The following CCDC14 variants were observed in gnomAD, a reference collection of about 807,000 sequenced individuals.
CCDC14 encodes coiled-coil domain-containing protein 14.
In CCDC14, 71 loss-of-function variants were observed where a neutral mutation model predicts 81.4. The observed-to-expected ratio is 0.87, with a 90% CI of 0.72 to 1.06. The LOEUF is 1.06. CCDC14 is among the 50% of genes least tolerant of loss of function. The probability of loss-of-function intolerance (pLI) is 0.00; values close to 1 mark genes in which losing one functional copy is unlikely to be tolerated. For synonymous variants in CCDC14, 332 were observed against 364.8 expected (o/e 0.91, Z 1.03); for missense variants, 1,046 against 1,047.3 (o/e 1.00, Z 0.02).
At position 123,931,146 on chromosome 3, in the gene CCDC14, T is replaced by C; in HGVS notation, c.1734A>G (p.Leu578=). 1 of 1,611,146 alleles carries C rather than the reference T, an allele frequency of 6.2e-7. No individual in the cohort carries two copies. Among genetic ancestry groups the C allele is most frequent in the South Asian group, 1.1e-5 (1 of 90,140 alleles). The part of the protein sequence containing the change: ...EKENQILGIT[L]RQRDAEVTRL... Reference sequence around the variant, plus strand: ...GAGTCACCTCAGCATCACGCTGACGTAATGTTATCCCCAATATCTGGTTTT... The same window carrying C: ...GAGTCACCTCAGCATCACGCTGACGCAATGTTATCCCCAATATCTGGTTTT... The change falls in exon 12 of 13, where the codon TTA becomes TTG. Residue 578 remains leucine, a synonymous_variant. Coordinates refer to ENST00000409697, the MANE Select transcript of CCDC14 (RefSeq NM_001366335.1).
chr3:123,915,294 CAAAAGG>C lies in CCDC14; in HGVS notation c.2197_2202del (p.Pro733_Phe734del). 1 of 1,613,892 alleles carries C rather than the reference CAAAAGG, an allele frequency of 6.2e-7. No individual in the cohort carries two copies. Among genetic ancestry groups the C allele is most frequent in the Non-Finnish European group, 8.5e-7 (1 of 1,179,896 alleles). Reference sequence around the variant, plus strand: ...GATTTCTTTTCAGGAGTGCTTCTAGCAAAAGGAATGTAAATTGTATTATCCAAATTA... The same window carrying C: ...GATTTCTTTTCAGGAGTGCTTCTAGCAATGTAAATTGTATTATCCAAATTA... On this transcript the variant is annotated inframe_deletion, in exon 13 of 13. Coordinates refer to ENST00000409697, the MANE Select transcript of CCDC14 (RefSeq NM_001366335.1).
chr3:123,937,836 T>C (rs1190364342), intron 9 of CCDC14, among the ~76,000 whole-genome samples: 1 of 151,966 alleles, frequency 6.6e-6, no homozygotes, highest in Non-Finnish European at 1.5e-5. Flanking sequence ...CAATTTTGTA[T>C]ACTGTATGAG....
chr3:123,917,220 A>G (rs1483548148), intron 12 of CCDC14, among the ~76,000 whole-genome samples: 2 of 151,012 alleles, frequency 1.3e-5, no homozygotes, highest in Non-Finnish European at 3.0e-5. Context: ...AGGGCTGGGC[A>G]TGGTGGCTCA....
At chr3:123,907,367 A>G (rs1287030136) in intron 5 of CCDC14, among the ~76,000 whole-genome samples, 2 of 152,106 alleles carry the variant, frequency 1.3e-5, no homozygotes, top group Non-Finnish European at 2.9e-5. Context: ...CACACAATCT[A>G]TGTAAAGCCC....
At chr3:123,894,033 CTA>C (rs1188003468), downstream of CCDC14, among the ~76,000 whole-genome samples, 2 of 152,160 alleles carry the variant, frequency 1.3e-5, no homozygotes, top group Non-Finnish European at 2.9e-5. Flanking sequence ...ACCAAAGAAA[CTA>C]TTGCTAAATC....
chr3:123,906,223 G>T (rs1429871381), intron 5 of CCDC14, among the ~76,000 whole-genome samples: 1 of 152,082 alleles, frequency 6.6e-6, no homozygotes, highest in African/African-American at 2.4e-5. Context: ...CCAACTACTT[G>T]GTAGGCTGAG....
At chr3:123,937,574 C>T (rs1192596821) in intron 9 of CCDC14, among the ~76,000 whole-genome samples, 5 of 151,814 alleles carry the variant, frequency 3.3e-5, no homozygotes, top group African/African-American at 7.2e-5. Context: ...AGTCCTTTAT[C>T]GGGTACATGT....
At chr3:123,917,101 C>T (rs537086918) in intron 12 of CCDC14, among the ~76,000 whole-genome samples, 146 of 151,876 alleles carry the variant, frequency 9.6e-4, no homozygotes, top group African/African-American at 3.4e-3. Flanking sequence ...CCTCGGCCTC[C>T]CAAAGTGCTG....
rs546629337 is a variant in CCDC14, at chr3:123,919,849, A to G, written c.1779-4131T>C. On this transcript the variant is annotated intron_variant, in intron 12 of 12. Coordinates refer to ENST00000409697, the MANE Select transcript of CCDC14 (RefSeq NM_001366335.1). ...CACTTCTTCAAGTGCATAGACACCA[A>G]TGCAAGGATACAAGGATTATGAAGA... Among the ~76,000 whole-genome samples the G allele has an allele frequency of 2.0e-5, 3 of 152,310 alleles. No homozygotes were observed. The East Asian group carries it at 5.8e-4, about 29-fold the overall frequency.
rs760414325 is a variant in CCDC14, at chr3:123,933,690, A to C, written c.1409T>G (p.Val470Gly). The C allele has an allele frequency of 3.1e-5, 49 of 1,573,276 alleles. 3 individuals carry two copies. The South Asian group carries it at 5.5e-4, about 18-fold the overall frequency. Residue 470 changes from valine (V) to glycine (G), a missense_variant, in exon 10 of 13, where the codon GTG becomes GGG. By Grantham distance (109) the Val-to-Gly change is moderately radical. Transcript: ENST00000409697. Reference sequence around the variant, plus strand: ...TTACCTACATTCAAGGTTGCAATCCACAGCACCAGATGGTTTTTGAGTTTT... The same window carrying C: ...TTACCTACATTCAAGGTTGCAATCCCCAGCACCAGATGGTTTTTGAGTTTT... ...QQKTQKPSGA[V>G]DCNLELFSLQ...
intron 12 of CCDC14, among the ~76,000 whole-genome samples, chr3:123,923,078 C>A (rs1366400996): frequency 6.6e-6 from 1 of 151,982 alleles, no homozygotes; most frequent in African/African-American, 2.4e-5. Context: ...AAGAATTATT[C>A]AACACAATTA....
At chr3:123,935,345 T>A (rs2035994990) in intron 9 of CCDC14, among the ~76,000 whole-genome samples, 1 of 152,208 alleles carries the variant, frequency 6.6e-6, no homozygotes, top group African/African-American at 2.4e-5. Flanking sequence ...GATGGCAGTT[T>A]GAAATGTCCA....
Position 123,960,695 on chromosome 3 carries a change from CTG to C in CCDC14, c.30+447_30+448del, listed in dbSNP as rs374188056. On this transcript the variant is annotated intron_variant, in intron 1 of 12. Coordinates refer to ENST00000409697, the MANE Select transcript of CCDC14 (RefSeq NM_001366335.1). Reference sequence around the variant, plus strand: ...AAATTTTGTTGTATGTCTACAACAACTGTGTGATCGATGTTTTTACCGGGTTC... The same window carrying C: ...AAATTTTGTTGTATGTCTACAACAACTGTGATCGATGTTTTTACCGGGTTC... Among the ~76,000 whole-genome samples, 83 of 152,294 alleles carry C rather than the reference CTG, an allele frequency of 5.4e-4. 1 individual carries two copies. In the South Asian group the frequency reaches 8.7e-3, roughly 16 times the overall value.
chr3:123,896,584 A>C (rs917021509), downstream of CCDC14, among the ~76,000 whole-genome samples: 1 of 152,180 alleles, frequency 6.6e-6, no homozygotes, highest in African/African-American at 2.4e-5. Flanking sequence ...TACATGTAGA[A>C]TCTTTAAAAG....
At chr3:123,937,611 T>C (rs2036121045) in intron 9 of CCDC14, among the ~76,000 whole-genome samples, 1 of 151,994 alleles carries the variant, frequency 6.6e-6, no homozygotes, top group African/African-American at 2.4e-5. Context: ...CTCAGTCTGT[T>C]GGTTGCTTCT....
intron 5 of CCDC14, among the ~76,000 whole-genome samples, chr3:123,903,475 G>A (rs2034226134): frequency 6.6e-6 from 1 of 152,088 alleles, no homozygotes; most frequent in Non-Finnish European, 1.5e-5. Context: ...TTCAAAATGA[G>A]TATATCTTTT....
intron 12 of CCDC14, among the ~76,000 whole-genome samples, chr3:123,923,757 T>C (rs1016434783): frequency 4.0e-5 from 6 of 150,826 alleles, no homozygotes; most frequent in African/African-American, 1.5e-4. Context: ...TATTAGTATA[T>C]ACTAAAAACT....
chr3:123,900,830 T>C (rs1308307646), intron 5 of CCDC14, among the ~76,000 whole-genome samples: 5 of 152,108 alleles, frequency 3.3e-5, no homozygotes, highest in Non-Finnish European at 7.3e-5. Context: ...TTTAATGTAG[T>C]TCCAATTAGA....
chr3:123,915,457 CAG>C lies in CCDC14; in HGVS notation c.2038_2039del (p.Leu680ValfsTer8), dbSNP rs1308705264. On this transcript the variant is annotated frameshift_variant, in exon 13 of 13. Coordinates refer to ENST00000409697, the MANE Select transcript of CCDC14 (RefSeq NM_001366335.1). LOFTEE classifies it low-confidence loss of function (END_TRUNC). ...IEPDKTYENVLSSRGPQNSNT... is the reference protein window; with the variant it reads ...IEPDKTYENVXSSRGPQNSNT... ...TACTATTTTGAGGGCCTCTGGAGGA[CAG>C]AACATTTTCATAGGTTTTGTCTGGC... 1 of 1,613,866 alleles carries C rather than the reference CAG, an allele frequency of 6.2e-7. No homozygotes were observed. The highest frequency in any genetic ancestry group is 1.3e-5 in the African/African-American group (1 of 74,918).
Sources: allele counts gnomAD v4.1 joint callset (sites outside exome capture counted in the v4.1 genomes callset), GRCh38; gene constraint gnomAD v4.1.1; transcripts MANE v1.5; gene names NCBI Gene and HGNC (gene_info 2026-07-23, HGNC 2026-07-21).